The following RALGPS1 variants were observed in gnomAD, a reference collection of about 807,000 sequenced individuals.
The protein encoded by RALGPS1 is ras-specific guanine nucleotide-releasing factor RalGPS1.
RALGPS1 carries 19 observed loss-of-function variants against 78.8 expected under a neutral mutation model. The ratio of observed to expected loss-of-function variants is 0.24; its 90% CI spans 0.17 to 0.35. The LOEUF is 0.35. Ranked by LOEUF, RALGPS1 falls within the 10% of genes least tolerant of loss-of-function variation. The pLI is 1.00. For missense variants in RALGPS1, 454 were observed against 688.3 expected (o/e 0.66, Z 3.81); for synonymous variants, 228 against 256.3 (o/e 0.89, Z 1.06).
At chr9:126,990,667 C>A (rs1330699651) in intron 4 of RALGPS1, among the ~76,000 whole-genome samples, 7 of 152,160 alleles carry the variant, frequency 4.6e-5, no homozygotes, top group African/African-American at 1.7e-4. Context: ...AGGTAGTGCT[C>A]CTCCTTCTCA....
Position 127,218,629 on chromosome 9 carries a change from T to G in RALGPS1, c.1645-111T>G, listed in dbSNP as rs529680890. 4.4e-5 allele frequency: 51 copies of G among 1,160,600 alleles called. No homozygotes were observed. The East Asian group carries it at 1.1e-3, about 26-fold the overall frequency. 71.9% of individuals were successfully genotyped at this position (1,160,600 alleles called of 1,614,324 possible). ...TGCCATACCCTCTCCCTACCCAACC[T>G]GCTCATTCCCAGACTCACGGGGAAA... is the stretch of plus-strand genomic sequence containing the variant. On this transcript the variant is annotated intron_variant, in intron 18 of 18. Coordinates refer to ENST00000259351, the MANE Select transcript of RALGPS1 (RefSeq NM_014636.3). This position sits in a 1 kb window ranked among gnomAD's most constrained non-coding sequence, Gnocchi z 4.4.
intron 1 of RALGPS1, among the ~76,000 whole-genome samples, chr9:126,933,817 A>G (rs1392975405): frequency 2.6e-5 from 4 of 152,022 alleles, no homozygotes; most frequent in Non-Finnish European, 2.9e-5. Context: ...GTGTGCCTGC[A>G]GGGGGGGTGT....
intron 14 of RALGPS1, among the ~76,000 whole-genome samples, chr9:127,208,183 A>G (rs2062035569): frequency 6.6e-6 from 1 of 152,254 alleles, no homozygotes; most frequent in Admixed American, 6.5e-5. Flanking sequence ...GGGGCCACCA[A>G]GGGACCAGGA....
intron 8 of RALGPS1, among the ~76,000 whole-genome samples, chr9:127,070,434 T>C (rs780705364): frequency 2.6e-5 from 4 of 152,204 alleles, no homozygotes; most frequent in East Asian, 1.9e-4. Flanking sequence ...TTCCTAGAAG[T>C]GTGCACAGCT....
At chr9:127,139,787 G>T (rs972724003) in intron 8 of RALGPS1, among the ~76,000 whole-genome samples, 1 of 152,224 alleles carries the variant, frequency 6.6e-6, no homozygotes, top group Non-Finnish European at 1.5e-5. Flanking sequence ...CAGACCTCAG[G>T]CATCTGTGAC....
In RALGPS1 at chr9:127,184,000, T is replaced by A; in HGVS notation, c.910+9218T>A. On this transcript the variant is annotated intron_variant, in intron 11 of 18. Coordinates refer to ENST00000259351, the MANE Select transcript of RALGPS1 (RefSeq NM_014636.3). The surrounding 1 kb of genome is among the most constrained non-coding windows in gnomAD (Gnocchi z 4.0). ...CAGCGGCTCCCCCAGCATCTGCTGC[T>A]CCGCGCTCCCCGTGGCCTAGGAATC... 6.5e-7 allele frequency: 1 copy of A among 1,550,128 alleles called. No individual in the cohort carries two copies. The highest frequency in any genetic ancestry group is 8.7e-7 in the Non-Finnish European group (1 of 1,146,918).
intron 5 of RALGPS1, among the ~76,000 whole-genome samples, chr9:127,042,524 TGATAAA>T (rs2047407640): frequency 6.6e-6 from 1 of 152,140 alleles, no homozygotes; most frequent in African/African-American, 2.4e-5. Flanking sequence ...TTCTTCAACT[TGATAAA>T]GAACATCTAC....
At chr9:127,189,932 C>CTTT (rs1588460822) in intron 11 of RALGPS1, among the ~76,000 whole-genome samples, 2 of 152,340 alleles carry the variant, frequency 1.3e-5, no homozygotes, top group East Asian at 3.9e-4. Context: ...CAGCACCTGG[C>CTTT]ACAGAGTAGG....
intron 4 of RALGPS1, among the ~76,000 whole-genome samples, chr9:127,013,280 G>A (rs775066087): frequency 1.4e-4 from 22 of 152,150 alleles, no homozygotes; most frequent in Non-Finnish European, 2.1e-4. Context: ...TTCTGTGGGC[G>A]CTGGCAGAGC....
intron 1 of RALGPS1, among the ~76,000 whole-genome samples, chr9:126,943,119 T>C (rs1021589511): frequency 5.3e-5 from 8 of 152,178 alleles, no homozygotes; most frequent in Admixed American, 4.6e-4. Flanking sequence ...TTTCTGTATT[T>C]TAATGCTGCA....
intron 1 of RALGPS1, among the ~76,000 whole-genome samples, chr9:126,946,491 G>A (rs190670908): frequency 1.2e-3 from 165 of 136,628 alleles, no homozygotes; most frequent in Non-Finnish European, 2.0e-3. Flanking sequence ...CTGAGGTTGC[G>A]CCACTGCACT....
intron 3 of RALGPS1, among the ~76,000 whole-genome samples, chr9:126,976,313 T>TCACACA (rs33925120): frequency 1.3e-5 from 2 of 150,350 alleles, no homozygotes; most frequent in Admixed American, 6.6e-5. Flanking sequence ...ACACTCATTC[T>TCACACA]CACACACACA....
chr9:127,200,180 G>T (rs576734306), intron 14 of RALGPS1, among the ~76,000 whole-genome samples: 105 of 152,274 alleles, frequency 6.9e-4, no homozygotes, highest in Middle Eastern at 3.4e-3. Flanking sequence ...TCCTCCTCTG[G>T]CGCTGAAGCT....
chr9:127,148,092 A>G (rs913198165), intron 8 of RALGPS1, among the ~76,000 whole-genome samples: 3 of 152,202 alleles, frequency 2.0e-5, no homozygotes, highest in African/African-American at 7.2e-5. Context: ...CTGATATATA[A>G]TTATACTTTT....
rs61291398 is a variant in RALGPS1, at chr9:127,141,616, CAAA to C, written c.611-24431_611-24429del. Among the ~76,000 whole-genome samples the C allele has an allele frequency of 2.5e-4, 17 of 68,670 alleles. 1 individual carries two copies. The highest frequency in any genetic ancestry group is 3.0e-4 in the Non-Finnish European group (12 of 39,794). 45.1% of individuals were successfully genotyped at this position (68,670 alleles called of 152,430 possible). On this transcript the variant is annotated intron_variant, in intron 8 of 18. Coordinates refer to ENST00000259351, the MANE Select transcript of RALGPS1 (RefSeq NM_014636.3). ...AGGGTTGCCAATATTTTTTTAATGG[CAAA>C]AAAAAAAAAAAAAAAAAAAAAGAAA...
chr9:126,930,739 G>T (rs796415910), intron 1 of RALGPS1, among the ~76,000 whole-genome samples: 1 of 152,364 alleles, frequency 6.6e-6, no homozygotes, highest in African/African-American at 2.4e-5. Flanking sequence ...GATTACAGGC[G>T]TGAGCCACTG....
chr9:127,062,965 A>G (rs774951296), intron 7 of RALGPS1, among the ~76,000 whole-genome samples: 1 of 152,200 alleles, frequency 6.6e-6, no homozygotes, highest in African/African-American at 2.4e-5. Flanking sequence ...CCATTGGTCC[A>G]TAGATTATCC....
chr9:126,918,796 C>T (rs2034450943), intron 1 of RALGPS1, among the ~76,000 whole-genome samples: 2 of 151,952 alleles, frequency 1.3e-5, no homozygotes, highest in Non-Finnish European at 2.9e-5. Flanking sequence ...CCTCAGCCTC[C>T]AGAGTAGCTG....
chr9:127,097,384 G>T (rs1190736389), intron 8 of RALGPS1, among the ~76,000 whole-genome samples: 2 of 152,232 alleles, frequency 1.3e-5, no homozygotes, highest in African/African-American at 4.8e-5. Flanking sequence ...ATGTGCATAT[G>T]TGTCTGTACA....
Sources: allele counts gnomAD v4.1 joint callset (sites outside exome capture counted in the v4.1 genomes callset), GRCh38; gene constraint gnomAD v4.1.1; non-coding constraint Gnocchi (gnomAD v3.1); transcripts MANE v1.5; gene names NCBI Gene and HGNC (gene_info 2026-07-23, HGNC 2026-07-21).